Variants in PMEPA1 observed in about 807,000 individuals in gnomAD.
PMEPA1 encodes the protein protein TMEPAI.
PMEPA1 carries 11 observed loss-of-function variants against 23.0 expected under a neutral mutation model. The observed-to-expected ratio is 0.48, with a 90% CI of 0.30 to 0.79. The LOEUF (loss-of-function observed/expected upper bound fraction) is 0.79, where lower values mean the gene tolerates loss of function less well. Ranked by LOEUF, PMEPA1 falls within the 30% of genes least tolerant of loss-of-function variation. PMEPA1 has a pLI of 0.06. For missense variants in PMEPA1, 377 were observed against 390.9 expected (o/e 0.96, Z 0.30); for synonymous variants, 204 against 166.4 (o/e 1.23, Z -1.74).
chr20:57,699,796 C>A (rs1173497823), intron 1 of PMEPA1, among the ~76,000 whole-genome samples: 2 of 152,228 alleles, frequency 1.3e-5, no homozygotes, highest in Admixed American at 1.3e-4. Context: ...CGGGGCAAAG[C>A]TGGGAGAAGG....
intron 1 of PMEPA1, among the ~76,000 whole-genome samples, chr20:57,679,160 G>A (rs971973880): frequency 6.6e-6 from 1 of 152,194 alleles, no homozygotes; most frequent in African/African-American, 2.4e-5. Context: ...ACAGCCTTTC[G>A]GAGGAGGTGG....
intron 1 of PMEPA1, among the ~76,000 whole-genome samples, chr20:57,671,229 G>A (rs2071563383): frequency 6.6e-6 from 1 of 152,178 alleles, no homozygotes. Context: ...ATTATTGGCA[G>A]AACGGAGTGA....
intron 2 of PMEPA1, 119 bp downstream of exon 2, chr20:57,659,422 CCT>C (rs1166213219): frequency 7.0e-5 from 78 of 1,108,070 alleles, no homozygotes; most frequent in African/African-American, 1.4e-4. Context: ...CTCCCCAGCC[CCT>C]GTCTTCCTGC....
upstream of PMEPA1, chr20:57,710,804 A>G (rs2072171612): frequency 3.3e-6 from 1 of 302,110 alleles, no homozygotes; most frequent in South Asian, 1.5e-4. Flanking sequence ...TGCTACAAGA[A>G]CACATTCTTC....
chr20:57,673,338 C>T (rs1396118237), intron 1 of PMEPA1, among the ~76,000 whole-genome samples: 1 of 152,190 alleles, frequency 6.6e-6, no homozygotes, highest in Admixed American at 6.5e-5. Context: ...TAAACTCTCC[C>T]ATGTGGTGGT....
Position 57,709,587 on chromosome 20 carries a change from G to T in PMEPA1, c.-5C>A. Reference sequence around the variant, plus strand: ...GACCCCCATCAAGCGGTGCATGGACGGCGCGGCGGCGCGGCGCGGGGCGCG... The same window carrying T: ...GACCCCCATCAAGCGGTGCATGGACTGCGCGGCGGCGCGGCGCGGGGCGCG... On this transcript the variant is annotated 5_prime_UTR_variant, in exon 1 of 4. Transcript: ENST00000341744. 2.0e-6 allele frequency: 2 copies of T among 1,000,694 alleles called. No individual in the cohort carries two copies. The highest frequency in any genetic ancestry group is 2.4e-6 in the Non-Finnish European group (2 of 831,482). 62.0% of individuals were successfully genotyped at this position (1,000,694 alleles called of 1,614,324 possible). A position where few individuals can be genotyped will look rare whatever the true frequency, so the allele number is the denominator to read the frequency against.
rs147203681 is a variant in PMEPA1 at position 57,657,984 on chromosome 20, C to T, written c.264+1559G>A. 5.1e-3 allele frequency among the ~76,000 whole-genome samples: 778 copies of T among 152,332 alleles called. 5 individuals carry two copies. The highest frequency in any genetic ancestry group is 7.4e-3 in the Non-Finnish European group (502 of 68,018). The stretch of plus-strand genomic sequence containing the variant: ...CTTTAAACAGCCGCTTCCTGCCCCA[C>T]GTGGTTGAGTTACACATCCTGGGTG... On this transcript the variant is annotated intron_variant, in intron 2 of 3. Transcript: ENST00000341744.
chr20:57,662,674 TAC>T (rs1386651383), intron 1 of PMEPA1, among the ~76,000 whole-genome samples: 1 of 152,104 alleles, frequency 6.6e-6, no homozygotes, highest in Admixed American at 6.5e-5. Context: ...GCATTCAGGG[TAC>T]ACACAGGGCT....
rs137891244 is a variant in PMEPA1, at chr20:57,696,947, G to A, written c.109+12527C>T. On this transcript the variant is annotated intron_variant, in intron 1 of 3. Transcript: ENST00000341744. ...GGAACCAAGGAGTAATGCTTACTCC[G>A]GGCAGCCATGCTCTTCGGGGAGGCT... is the stretch of plus-strand genomic sequence containing the variant. Among the ~76,000 whole-genome samples the A allele has an allele frequency of 6.8e-3, 1,031 of 152,292 alleles. 5 individuals carry two copies. Among genetic ancestry groups the A allele is most frequent in the Non-Finnish European group, 0.011 (716 of 68,016 alleles).
chr20:57,705,984 T>A (rs2072079983), intron 1 of PMEPA1, among the ~76,000 whole-genome samples: 1 of 152,238 alleles, frequency 6.6e-6, no homozygotes, highest in African/African-American at 2.4e-5. Context: ...AAACAGCATG[T>A]GCCAGGCAAG....
intron 2 of PMEPA1, among the ~76,000 whole-genome samples, chr20:57,654,198 G>A (rs945873126): frequency 7.9e-5 from 12 of 152,164 alleles, no homozygotes; most frequent in East Asian, 5.8e-4. Context: ...CCCTGGGCCC[G>A]GGGAAAGGGA....
intron 1 of PMEPA1, among the ~76,000 whole-genome samples, chr20:57,696,282 C>T (rs1377860459): frequency 6.6e-6 from 1 of 152,146 alleles, no homozygotes; most frequent in East Asian, 1.9e-4. Context: ...GCACAGGCTT[C>T]AGGAAGAAAG....
At position 57,655,846 on chromosome 20, in the gene PMEPA1, C is replaced by T. The variant is rs2071319101; in HGVS notation, c.265-2760G>A. Among the ~76,000 whole-genome samples, 1 of 152,196 alleles carries T rather than the reference C, an allele frequency of 6.6e-6. No individual in the cohort carries two copies. Among genetic ancestry groups the T allele is most frequent in the Non-Finnish European group, 1.5e-5 (1 of 68,028 alleles). ...AAAGAGCCAGAGAGTAAAATATTTTCTGGTTTGTGGGCCGGCGGGTCTCTG... is the reference window on the plus strand; with the variant it reads ...AAAGAGCCAGAGAGTAAAATATTTTTTGGTTTGTGGGCCGGCGGGTCTCTG... On this transcript the variant is annotated intron_variant, in intron 2 of 3. Coordinates refer to ENST00000341744, the MANE Select transcript of PMEPA1 (RefSeq NM_020182.5). The surrounding 1 kb of genome is among the most constrained non-coding windows in gnomAD (Gnocchi z 4.2).
At position 57,656,284 on chromosome 20, in the gene PMEPA1, C is replaced by T. The variant is rs1457282577; in HGVS notation, c.265-3198G>A. 3.3e-5 allele frequency among the ~76,000 whole-genome samples: 5 copies of T among 151,264 alleles called. No individual in the cohort carries two copies. Among genetic ancestry groups the T allele is most frequent in the East Asian group, 2.0e-4 (1 of 4,914 alleles). ...GAGTGGACGCTAGGTCTTTGGCTCC[C>T]GCTGCTGGCAGATTGTCGCACATTG... is the stretch of plus-strand genomic sequence containing the variant. On this transcript the variant is annotated intron_variant, in intron 2 of 3. Coordinates refer to ENST00000341744, the MANE Select transcript of PMEPA1 (RefSeq NM_020182.5). The surrounding 1 kb of genome is among the most constrained non-coding windows in gnomAD (Gnocchi z 4.7).
intron 1 of PMEPA1, among the ~76,000 whole-genome samples, chr20:57,668,170 C>G (rs951799493): frequency 6.6e-6 from 1 of 152,152 alleles, no homozygotes; most frequent in Non-Finnish European, 1.5e-5. Context: ...TGGGGAGGGA[C>G]GCTGAGAGGG....
chr20:57,684,019 C>G (rs1450063634), intron 1 of PMEPA1, among the ~76,000 whole-genome samples: 1 of 152,184 alleles, frequency 6.6e-6, no homozygotes, highest in Admixed American at 6.5e-5. Flanking sequence ...CCACGCCCCA[C>G]CCCCGGCTCC....
chr20:57,679,661 G>A (rs2071685355), intron 1 of PMEPA1, among the ~76,000 whole-genome samples: 1 of 152,218 alleles, frequency 6.6e-6, no homozygotes, highest in South Asian at 2.1e-4. Context: ...CAATTATGAA[G>A]CCCAGGATGT....
Position 57,656,048 on chromosome 20 carries a change from C to G in PMEPA1, c.265-2962G>C, listed in dbSNP as rs185504376. Among the ~76,000 whole-genome samples, 436 of 152,176 alleles carry G rather than the reference C, an allele frequency of 2.9e-3. 14 individuals carry two copies. The highest frequency in any genetic ancestry group is 0.025 in the Admixed American group (383 of 15,310). ...GAGTCTTAACACCACGAGGCCAGAA[C>G]GTAGCTGCCCATTCTTCCCCTGGAG... On this transcript the variant is annotated intron_variant, in intron 2 of 3. Coordinates refer to ENST00000341744, the MANE Select transcript of PMEPA1 (RefSeq NM_020182.5). This position sits in a 1 kb window ranked among gnomAD's most constrained non-coding sequence, Gnocchi z 4.7.
intron 2 of PMEPA1, among the ~76,000 whole-genome samples, chr20:57,653,720 G>C (rs1281030481): frequency 1.3e-5 from 2 of 152,188 alleles, no homozygotes; most frequent in African/African-American, 4.8e-5. Context: ...CCGAGCCCCA[G>C]GTCCTTTACA....
Sources: allele counts gnomAD v4.1 joint callset (sites outside exome capture counted in the v4.1 genomes callset), GRCh38; gene constraint gnomAD v4.1.1; non-coding constraint Gnocchi (gnomAD v3.1); transcripts MANE v1.5; gene names NCBI Gene and HGNC (gene_info 2026-07-23, HGNC 2026-07-21).